INTS7: variants seen among roughly 807,000 people sequenced by gnomAD.
INTS7 encodes the protein chromosome 1 open reading frame 73.
INTS7 carries 46 observed loss-of-function variants against 109.2 expected under a neutral mutation model. The observed-to-expected ratio is 0.42, with a 90% CI of 0.33 to 0.54. INTS7 has a LOEUF of 0.54. Among genes scored for constraint, INTS7 ranks in the 20% least tolerant of loss-of-function variants. The probability of loss-of-function intolerance (pLI) is 0.07; values close to 1 mark genes in which losing one functional copy is unlikely to be tolerated. For missense variants in INTS7, 929 were observed against 1,132.4 expected (o/e 0.82, Z 2.58); for synonymous variants, 412 against 402.9 (o/e 1.02, Z -0.27).
chr1:211,982,793 G>A lies in INTS7; in HGVS notation c.1015C>T (p.Pro339Ser). 2 of 1,607,148 alleles carry A rather than the reference G, an allele frequency of 1.2e-6. No individual in the cohort carries two copies. Among genetic ancestry groups the A allele is most frequent in the Non-Finnish European group, 8.5e-7 (1 of 1,176,732 alleles). The change falls in exon 9 of 20, where the codon CCC (proline) becomes TCC (serine). Residue 339 changes from proline to serine, a missense_variant. Pro to Ser is a moderately conservative substitution (Grantham distance 74). Transcript: ENST00000366994. ...AATTTGACTAAATCAGAAGATCTGGGAGAAGAACTCACATTTCCTAAAAAA... is the reference window on the plus strand; with the variant it reads ...AATTTGACTAAATCAGAAGATCTGGAAGAAGAACTCACATTTCCTAAAAAA... Reference protein sequence around the residue: ...SIVPGNVSSSPRSSDLVKLAQ... With the variant: ...SIVPGNVSSSSRSSDLVKLAQ...
chr1:211,956,838 G>C (rs1382644946), intron 16 of INTS7, among the ~76,000 whole-genome samples: 1 of 152,164 alleles, frequency 6.6e-6, no homozygotes, highest in East Asian at 1.9e-4. Context: ...CCTACTGAGA[G>C]ACACTTGGGT....
Position 211,942,310 on chromosome 1 carries a change from C to T in INTS7, c.2602-199G>A, listed in dbSNP as rs76168553. 8.6e-3 allele frequency among the ~76,000 whole-genome samples: 1,311 copies of T among 152,204 alleles called. 20 individuals carry two copies. Among genetic ancestry groups the T allele is most frequent in the African/African-American group, 0.03 (1,255 of 41,510 alleles). ...TCTCCAAAGTCACATGATTAGTGAA[C>T]GGAGTAGGAATCTGAACACAGGCAG... is the stretch of plus-strand genomic sequence containing the variant. On this transcript the variant is annotated intron_variant, in intron 19 of 19. Coordinates refer to ENST00000366994, the MANE Select transcript of INTS7 (RefSeq NM_015434.4). The surrounding 1 kb of genome is among the most constrained non-coding windows in gnomAD (Gnocchi z 4.2).
intron 17 of INTS7, among the ~76,000 whole-genome samples, chr1:211,947,447 T>C (rs887919604): frequency 2.0e-5 from 3 of 152,148 alleles, no homozygotes; most frequent in Non-Finnish European, 4.4e-5. Flanking sequence ...AAGAACACTT[T>C]TAACTTCAGG....
intron 13 of INTS7, among the ~76,000 whole-genome samples, chr1:211,974,227 C>T (rs1484172064): frequency 2.1e-5 from 3 of 140,576 alleles, no homozygotes; most frequent in African/African-American, 7.8e-5. Context: ...TTTTCTGAGG[C>T]ATTTATTAGC....
In INTS7 at chr1:211,941,628, A is replaced by T. The variant is rs1662633633; in HGVS notation, c.*196T>A. The stretch of plus-strand genomic sequence containing the variant: ...CTCAGCCTCCCAAAGTGCTGGGATT[A>T]CAGGCGTGAGCAACCACGCCCAGCT... On this transcript the variant is annotated 3_prime_UTR_variant, in exon 20 of 20. Coordinates refer to ENST00000366994, the MANE Select transcript of INTS7 (RefSeq NM_015434.4). 2.9e-6 allele frequency: 2 copies of T among 684,276 alleles called. No homozygotes were observed. The highest frequency in any genetic ancestry group is 1.8e-5 in the African/African-American group (1 of 55,312). The allele number at this position is 684,276 out of a possible 1,614,324, so 42.4% of individuals were successfully genotyped here.
rs555325009 is a variant in INTS7, at chr1:211,954,466, T to C, written c.2184-1765A>G. Among the ~76,000 whole-genome samples the C allele has an allele frequency of 9.5e-4, 144 of 152,284 alleles. 1 individual carries two copies. In the East Asian group the frequency reaches 0.026, roughly 27 times the overall value. The stretch of plus-strand genomic sequence containing the variant: ...TTTTGGTGTTTTAGACATGAAGTCC[T>C]TGCCCATGCCTATGTCCTGAATGGT... On this transcript the variant is annotated intron_variant, in intron 16 of 19. Coordinates refer to ENST00000366994, the MANE Select transcript of INTS7 (RefSeq NM_015434.4).
chr1:211,960,282 T>C (rs1426312776), intron 16 of INTS7, among the ~76,000 whole-genome samples: 1 of 150,532 alleles, frequency 6.6e-6, no homozygotes, highest in Non-Finnish European at 1.5e-5. Context: ...GGTCATCAAA[T>C]AGGATTAAAA....
intron 16 of INTS7, among the ~76,000 whole-genome samples, chr1:211,956,126 A>G (rs1270446274): frequency 6.6e-6 from 1 of 152,116 alleles, no homozygotes; most frequent in Non-Finnish European, 1.5e-5. Flanking sequence ...TCCCTTTTAT[A>G]TATGTAGTTG....
At position 211,978,499 on chromosome 1, in the gene INTS7, A is replaced by G. The variant is rs1664517217; in HGVS notation, c.1243T>C (p.Cys415Arg). 6.2e-7 allele frequency: 1 copy of G among 1,614,186 alleles called. No individual in the cohort carries two copies. Among genetic ancestry groups the G allele is most frequent in the South Asian group, 1.1e-5 (1 of 91,080 alleles). Residue 415 changes from cysteine (C) to arginine (R), a missense_variant, in exon 11 of 20, where the codon TGT (cysteine) becomes CGT (arginine). Physicochemically the swap from Cys to Arg is radical, Grantham distance 180. Transcript: ENST00000366994. Reference protein sequence around the residue: ...AQATLKIALNCMVKLAKGRPH... With the variant: ...AQATLKIALNRMVKLAKGRPH... ...CTGCCCTTGGCCAACTTCACCATAC[A>G]GTTTAGAGCAATCTGCACGCCAAAA...
intron 17 of INTS7, among the ~76,000 whole-genome samples, chr1:211,951,317 T>C (rs114635047): frequency 0.027 from 3,931 of 143,250 alleles, 56 homozygotes; most frequent in African/African-American, 0.046. Flanking sequence ...GTTTGGTTGG[T>C]TTTTTTTTGA....
chr1:211,983,001 G>GCC (rs1444287061), intron 8 of INTS7, among the ~76,000 whole-genome samples, 191 bp from the exon 9 acceptor site: 2 of 152,034 alleles, frequency 1.3e-5, no homozygotes, highest in Non-Finnish European at 2.9e-5. Flanking sequence ...ATAGGTATGT[G>GCC]CCAACAGTTT....
At chr1:211,952,740 G>GC (rs1663158513) in intron 16 of INTS7, 39 bp from the exon 17 acceptor site, 21 of 1,570,068 alleles carry the variant, frequency 1.3e-5, no homozygotes, top group East Asian at 2.3e-5. Context: ...CATCAAAATA[G>GC]CATGGCTATT....
chr1:211,987,581 G>A (rs1392075206), intron 8 of INTS7, among the ~76,000 whole-genome samples: 1 of 151,846 alleles, frequency 6.6e-6, no homozygotes, highest in Non-Finnish European at 1.5e-5. Context: ...GGCACTTTGA[G>A]TCAGAGATAC....
chr1:211,963,955 C>T (rs769455546), intron 16 of INTS7, among the ~76,000 whole-genome samples: 2 of 152,156 alleles, frequency 1.3e-5, no homozygotes, highest in Non-Finnish European at 2.9e-5. Flanking sequence ...CTCTCTCTCA[C>T]CACTCCTATT....
At chr1:212,001,162 A>G (rs1316913632) in intron 7 of INTS7, among the ~76,000 whole-genome samples, 4 of 145,782 alleles carry the variant, frequency 2.7e-5, no homozygotes, top group East Asian at 4.0e-4. Flanking sequence ...TGCTTCCCGG[A>G]TTCAAGCGAT....
intron 1 of INTS7, among the ~76,000 whole-genome samples, chr1:212,032,654 T>G (rs1667222474): frequency 6.6e-6 from 1 of 151,980 alleles, no homozygotes; most frequent in African/African-American, 2.4e-5. Flanking sequence ...TTTTTTGTAT[T>G]TTGTTTAGTA....
In INTS7 at chr1:212,035,446, T is replaced by TA. The variant is rs1558065965; in HGVS notation, c.-10dup. On this transcript the variant is annotated 5_prime_UTR_variant, in exon 1 of 20. Transcript: ENST00000366994. The stretch of plus-strand genomic sequence containing the variant: ...GTTGAGTTTGACGCCATGACCCGAA[T>TA]AGTTACTCGACTAGCCTAGTCAGAA... 6.3e-7 allele frequency: 1 copy of TA among 1,598,544 alleles called. No individual in the cohort carries two copies.
intron 7 of INTS7, among the ~76,000 whole-genome samples, chr1:211,989,377 C>T (rs1293509218): frequency 6.7e-6 from 1 of 149,462 alleles, no homozygotes; most frequent in African/African-American, 2.5e-5. Context: ...AACTATATCC[C>T]TGTTTTTTTT....
At chr1:211,967,775 G>A (rs369613557) in intron 15 of INTS7, 103 bp downstream of exon 15, 11 of 652,988 alleles carry the variant, frequency 1.7e-5, no homozygotes, top group African/African-American at 1.5e-4. Flanking sequence ...AAATTTATAG[G>A]GTTATTTAAC....
Sources: gnomAD v4.1 joint callset for allele counts (sites outside exome capture counted in the v4.1 genomes callset) on GRCh38, gnomAD v4.1.1 for gene constraint, Gnocchi (gnomAD v3.1) non-coding constraint, MANE v1.5 for transcripts, NCBI Gene and HGNC (gene_info 2026-07-23, HGNC 2026-07-21) for gene names.